The following FBXL20 variants were observed in gnomAD, a reference collection of about 807,000 sequenced individuals.
The protein encoded by FBXL20 is F-box/LRR-repeat protein 20.
A neutral mutation model predicts 64.0 loss-of-function variants in FBXL20; 11 were observed. That is an observed-to-expected ratio of 0.17 (90% CI 0.11 to 0.28). The LOEUF (loss-of-function observed/expected upper bound fraction) is 0.28, where lower values mean the gene tolerates loss of function less well. Ranked by LOEUF, FBXL20 falls within the 10% of genes least tolerant of loss-of-function variation. The probability of loss-of-function intolerance (pLI) is 1.00; values close to 1 mark genes in which losing one functional copy is unlikely to be tolerated. For synonymous variants in FBXL20, 184 were observed against 189.0 expected (o/e 0.97, Z 0.22); for missense variants, 303 against 526.2 (o/e 0.58, Z 4.15).
intron 1 of FBXL20, among the ~76,000 whole-genome samples, chr17:39,354,290 T>C (rs1450886815): frequency 6.6e-6 from 1 of 152,174 alleles, no homozygotes; most frequent in East Asian, 1.9e-4. Context: ...TCAAACAAGC[T>C]CTTGCTTTTT....
At chr17:39,276,441 C>A (rs145647629) in intron 9 of FBXL20, among the ~76,000 whole-genome samples, 5 of 150,394 alleles carry the variant, frequency 3.3e-5, no homozygotes, top group Non-Finnish European at 7.4e-5. Flanking sequence ...GAGGCGGAGG[C>A]GGGTGGATCA....
intron 1 of FBXL20, among the ~76,000 whole-genome samples, chr17:39,392,124 G>A (rs2048139672): frequency 2.0e-5 from 3 of 151,964 alleles, no homozygotes; most frequent in East Asian, 1.9e-4. Context: ...GCGACAGTGC[G>A]AGACTGAGAA....
intron 1 of FBXL20, among the ~76,000 whole-genome samples, chr17:39,361,606 G>A (rs1339073523): frequency 6.6e-6 from 1 of 151,898 alleles, no homozygotes; most frequent in African/African-American, 2.4e-5. Context: ...GACCATCCTG[G>A]CTAACACTGT....
chr17:39,287,402 C>A (rs1273544946), intron 6 of FBXL20, among the ~76,000 whole-genome samples: 1 of 151,862 alleles, frequency 6.6e-6, no homozygotes, highest in Non-Finnish European at 1.5e-5. Flanking sequence ...CCAATGTTTT[C>A]ATTTCCTTTT....
At chr17:39,289,199 A>G (rs1434203078) in intron 6 of FBXL20, among the ~76,000 whole-genome samples, 1 of 152,130 alleles carries the variant, frequency 6.6e-6, no homozygotes, top group African/African-American at 2.4e-5. Context: ...TAAGTCCCCA[A>G]ACTTCACTGT....
In FBXL20 at chr17:39,333,291, G is replaced by A. The variant is rs529726374; in HGVS notation, c.104+9889C>T. On this transcript the variant is annotated intron_variant, in intron 2 of 14. Transcript: ENST00000264658. The stretch of plus-strand genomic sequence containing the variant: ...CTGCCGAGTGCCTGGGATTGCAGGC[G>A]CGCGCCGCCACGCCTGACTGGTTTT... Among the ~76,000 whole-genome samples, 458 of 152,308 alleles carry A rather than the reference G, an allele frequency of 3.0e-3. 1 individual carries two copies. The highest frequency in any genetic ancestry group is 6.8e-3 in the Middle Eastern group (2 of 294).
At chr17:39,364,376 G>A (rs1363054157) in intron 1 of FBXL20, among the ~76,000 whole-genome samples, 1 of 152,192 alleles carries the variant, frequency 6.6e-6, no homozygotes, top group Non-Finnish European at 1.5e-5. Context: ...AATCTGGGAG[G>A]CCAAGGAGAG....
chr17:39,304,547 A>G (rs1280047558), intron 2 of FBXL20, among the ~76,000 whole-genome samples: 2 of 152,116 alleles, frequency 1.3e-5, no homozygotes, highest in East Asian at 3.9e-4. Context: ...GCCTCAGACT[A>G]CCAAAGTGCT....
intron 6 of FBXL20, among the ~76,000 whole-genome samples, chr17:39,289,888 A>G (rs1283186498): frequency 6.6e-6 from 1 of 150,694 alleles, no homozygotes; most frequent in Non-Finnish European, 1.5e-5. Context: ...AATCCCAGCT[A>G]CTCAGGAAGC....
intron 2 of FBXL20, among the ~76,000 whole-genome samples, chr17:39,341,119 G>A (rs1404331327): frequency 6.6e-6 from 1 of 151,044 alleles, no homozygotes; most frequent in African/African-American, 2.4e-5. Context: ...ACATTCATAA[G>A]TATTAAGTGT....
chr17:39,328,205 G>A (rs1036098983), intron 2 of FBXL20, among the ~76,000 whole-genome samples: 7 of 124,130 alleles, frequency 5.6e-5, no homozygotes, highest in African/African-American at 3.2e-5. Context: ...CCGAGATCAC[G>A]CCAACTGCAC....
chr17:39,254,917 AAACTG>A lies in FBXL20; in HGVS notation c.*6538_*6542del, dbSNP rs2046681279. 6.6e-6 allele frequency: 1 copy of A among 152,606 alleles called. No individual in the cohort carries two copies. Among genetic ancestry groups the A allele is most frequent in the Non-Finnish European group, 1.5e-5 (1 of 68,216 alleles). 9.5% of individuals were successfully genotyped at this position (152,606 alleles called of 1,614,324 possible). ...GGAAGCACTGAGACTCAACCTCTATAAACTGAACTTCACAAGCACTTATTTAAAAA... is the reference window on the plus strand; with the variant it reads ...GGAAGCACTGAGACTCAACCTCTATAAACTTCACAAGCACTTATTTAAAAA... On this transcript the variant is annotated 3_prime_UTR_variant, in exon 15 of 15. Coordinates refer to ENST00000264658, the MANE Select transcript of FBXL20 (RefSeq NM_032875.3).
intron 12 of FBXL20, 146 bp downstream of exon 12, chr17:39,268,681 G>T: frequency 1.6e-6 from 1 of 637,734 alleles, no homozygotes; most frequent in Non-Finnish European, 2.7e-6. Flanking sequence ...ACCTCTGCCT[G>T]GAAGATACCT....
At chr17:39,395,541 T>C (rs977680771) in intron 1 of FBXL20, among the ~76,000 whole-genome samples, 2 of 152,252 alleles carry the variant, frequency 1.3e-5, no homozygotes, top group Non-Finnish European at 2.9e-5. Flanking sequence ...GCCTTTGCTA[T>C]GTATTTTCTA....
At position 39,324,108 on chromosome 17, in the gene FBXL20, C is replaced by T. The variant is rs753734173; in HGVS notation, c.104+19072G>A. The stretch of plus-strand genomic sequence containing the variant: ...CTTCTGTTTTCAAATGAAGGCATGT[C>T]CCAAGATTTAGTTCTTATTCTTACA... On this transcript the variant is annotated intron_variant, in intron 2 of 14. Transcript: ENST00000264658. Among the ~76,000 whole-genome samples, 81 of 142,900 alleles carry T rather than the reference C, an allele frequency of 5.7e-4. 2 individuals are homozygous for T. The highest frequency in any genetic ancestry group is 9.5e-4 in the Non-Finnish European group (64 of 67,258). 93.7% of individuals were successfully genotyped at this position (142,900 alleles called of 152,430 possible).
At chr17:39,271,263 T>G (rs1334322349) in intron 10 of FBXL20, among the ~76,000 whole-genome samples, 12 of 152,184 alleles carry the variant, frequency 7.9e-5, no homozygotes, top group Admixed American at 7.2e-4. Flanking sequence ...TTTTCTTTCC[T>G]GTTTTAGAAG....
chr17:39,339,166 A>C (rs868292532), intron 2 of FBXL20, among the ~76,000 whole-genome samples: 4 of 54,424 alleles, frequency 7.3e-5, no homozygotes, highest in Admixed American at 1.9e-4. Context: ...ACCCTGTCTC[A>C]AAAAAAAAAA....
intron 1 of FBXL20, among the ~76,000 whole-genome samples, chr17:39,381,745 AT>A (rs2048025242): frequency 6.8e-6 from 1 of 148,038 alleles, no homozygotes; most frequent in Non-Finnish European, 1.5e-5. Context: ...GTGAGCCATG[AT>A]TGCACCATTG....
intron 1 of FBXL20, among the ~76,000 whole-genome samples, chr17:39,379,999 A>AAT (rs1302744868): frequency 8.6e-5 from 13 of 151,690 alleles, no homozygotes; most frequent in Admixed American, 3.9e-4. Flanking sequence ...ATTAGAAATA[A>AAT]ATATATATAT....
Sources: allele counts gnomAD v4.1 joint callset (sites outside exome capture counted in the v4.1 genomes callset), GRCh38; gene constraint gnomAD v4.1.1; transcripts MANE v1.5; gene names NCBI Gene and HGNC (gene_info 2026-07-23, HGNC 2026-07-21).